CNTNAP2: variants seen among roughly 807,000 people sequenced by gnomAD.
CNTNAP2 encodes the protein contactin associated protein 2.
CNTNAP2 carries 98 observed loss-of-function variants against 155.2 expected under a neutral mutation model. The observed-to-expected ratio is 0.63, with a 90% CI of 0.54 to 0.75. The LOEUF is 0.75. Among genes scored for constraint, CNTNAP2 ranks in the 30% least tolerant of loss-of-function variants. The pLI is 0.00. For missense variants in CNTNAP2, 1,727 were observed against 1,688.1 expected, an observed-to-expected ratio of 1.02 and a Z score of -0.40; for synonymous variants, 651 against 631.2, an observed-to-expected ratio of 1.03 and a Z score of -0.47.
intron 1 of CNTNAP2, among the ~76,000 whole-genome samples, chr7:146,460,431 T>C (rs984793945): frequency 3.3e-5 from 5 of 152,138 alleles, no homozygotes; most frequent in Non-Finnish European, 5.9e-5. Flanking sequence ...TCTGGGTATA[T>C]AGCCAAAGGA....
intron 1 of CNTNAP2, among the ~76,000 whole-genome samples, chr7:146,393,472 T>G (rs1795574565): frequency 6.6e-6 from 1 of 152,168 alleles, no homozygotes; most frequent in Admixed American, 6.6e-5. Context: ...GTGAGGTTAA[T>G]AGGACCAATC....
At chr7:146,509,541 C>T (rs1797435002) in intron 1 of CNTNAP2, among the ~76,000 whole-genome samples, 1 of 152,098 alleles carries the variant, frequency 6.6e-6, no homozygotes, top group African/African-American at 2.4e-5. Context: ...TGAGCCCACC[C>T]CTGGGGCCTC....
intron 9 of CNTNAP2, among the ~76,000 whole-genome samples, chr7:147,315,304 C>T (rs1795205222): frequency 6.6e-6 from 1 of 150,564 alleles, no homozygotes; most frequent in Admixed American, 6.6e-5. Context: ...CGAATATTCA[C>T]AGAGTCTTGT....
At chr7:147,085,453 T>A (rs1800255647) in intron 4 of CNTNAP2, among the ~76,000 whole-genome samples, 3 of 152,074 alleles carry the variant, frequency 2.0e-5, no homozygotes. Flanking sequence ...GGATCTAGGA[T>A]GAACACTCAT....
At chr7:146,749,073 C>A (rs1210155594) in intron 1 of CNTNAP2, among the ~76,000 whole-genome samples, 1 of 152,102 alleles carries the variant, frequency 6.6e-6, no homozygotes, top group Non-Finnish European at 1.5e-5. Flanking sequence ...TTTCTCTTTG[C>A]AATTGCTCTA....
chr7:147,693,435 A>C (rs1796118664), intron 13 of CNTNAP2, among the ~76,000 whole-genome samples: 1 of 152,116 alleles, frequency 6.6e-6, no homozygotes, highest in South Asian at 2.1e-4. Flanking sequence ...AAGTAGGAAG[A>C]GTAGATATTG....
chr7:146,515,972 T>C (rs750471961), intron 1 of CNTNAP2, among the ~76,000 whole-genome samples: 4 of 152,084 alleles, frequency 2.6e-5, no homozygotes, highest in Non-Finnish European at 4.4e-5. Flanking sequence ...CAAATGTAAG[T>C]ATATAATATA....
At chr7:147,773,292 C>T (rs1457984791) in intron 13 of CNTNAP2, among the ~76,000 whole-genome samples, 1 of 152,074 alleles carries the variant, frequency 6.6e-6, no homozygotes, top group African/African-American at 2.4e-5. Context: ...TTTGTAGGAA[C>T]ACTTAGAAAA....
At chr7:147,158,436 G>A (rs1199487700) in intron 8 of CNTNAP2, among the ~76,000 whole-genome samples, 1 of 151,992 alleles carries the variant, frequency 6.6e-6, no homozygotes, top group East Asian at 1.9e-4. Flanking sequence ...TCTGCACCAT[G>A]GATTACATGC....
chr7:146,509,605 G>T (rs554850403), intron 1 of CNTNAP2, among the ~76,000 whole-genome samples: 2 of 152,134 alleles, frequency 1.3e-5, no homozygotes, highest in Non-Finnish European at 2.9e-5. Flanking sequence ...CACAACAGAG[G>T]TTCTTCCTCC....
intron 3 of CNTNAP2, among the ~76,000 whole-genome samples, chr7:146,933,127 C>T (rs1266315285): frequency 1.3e-5 from 2 of 151,938 alleles, no homozygotes; most frequent in Non-Finnish European, 2.9e-5. Flanking sequence ...CCCGCATCGC[C>T]AAGTCAATCC....
chr7:146,744,817 C>CA (rs1272993130), intron 1 of CNTNAP2, among the ~76,000 whole-genome samples: 7 of 151,696 alleles, frequency 4.6e-5, no homozygotes, highest in East Asian at 1.9e-4. Context: ...TGATTTTCCA[C>CA]AAAAAAAACA....
chr7:146,579,835 C>T (rs1054868278), intron 1 of CNTNAP2, among the ~76,000 whole-genome samples: 1 of 152,092 alleles, frequency 6.6e-6, no homozygotes, highest in Non-Finnish European at 1.5e-5. Context: ...AAAATAACAG[C>T]TTGCCTTGAA....
At chr7:148,184,231 G>A (rs1331726561) in intron 18 of CNTNAP2, among the ~76,000 whole-genome samples, 1 of 152,052 alleles carries the variant, frequency 6.6e-6, no homozygotes, top group Non-Finnish European at 1.5e-5. Context: ...AAGAGTTTGA[G>A]ACCAGCTTGG....
chr7:146,494,591 A>C (rs116415060), intron 1 of CNTNAP2, among the ~76,000 whole-genome samples: 2,901 of 152,244 alleles, frequency 0.019, 85 homozygotes, highest in African/African-American at 0.065. Context: ...TGAAAGGCAA[A>C]TAACCAACAG....
intron 3 of CNTNAP2, among the ~76,000 whole-genome samples, chr7:146,887,745 G>A (rs1028907227): frequency 1.7e-4 from 26 of 151,982 alleles, no homozygotes; most frequent in Non-Finnish European, 5.9e-5. Flanking sequence ...TTCCTGATAT[G>A]CTTTTTTTCT....
chr7:146,170,018 CTT>C (rs71175637), intron 1 of CNTNAP2, among the ~76,000 whole-genome samples: 14 of 126,896 alleles, frequency 1.1e-4, no homozygotes, highest in Admixed American at 3.3e-4. Flanking sequence ...CCTTTCTTTT[CTT>C]TTTTTTTTTT....
intron 3 of CNTNAP2, among the ~76,000 whole-genome samples, chr7:146,906,978 C>G (rs1796145392): frequency 6.7e-6 from 1 of 148,508 alleles, no homozygotes; most frequent in Non-Finnish European, 1.5e-5. Context: ...GAGCTGAAAA[C>G]CAAGGCTCGA....
chr7:147,390,621 G>A (rs1267544825), intron 9 of CNTNAP2, among the ~76,000 whole-genome samples: 1 of 151,980 alleles, frequency 6.6e-6, no homozygotes, highest in African/African-American at 2.4e-5. Context: ...CTTACTACTT[G>A]AGGGTTTCCA....
Sources: gnomAD v4.1 joint callset for allele counts (sites outside exome capture counted in the v4.1 genomes callset) on GRCh38, gnomAD v4.1.1 for gene constraint, MANE v1.5 for transcripts, NCBI Gene and HGNC (gene_info 2026-07-23, HGNC 2026-07-21) for gene names.